Variants in USP37 observed in about 807,000 individuals in gnomAD.
The protein encoded by USP37 is ubiquitin specific peptidase 37.
A neutral mutation model predicts 124.0 loss-of-function variants in USP37; 27 were observed. The ratio of observed to expected loss-of-function variants is 0.22; its 90% CI spans 0.16 to 0.30. USP37 has a LOEUF of 0.30. Among genes scored for constraint, USP37 ranks in the 10% least tolerant of loss-of-function variants. USP37 has a pLI of 1.00. For synonymous variants in USP37, 365 were observed against 388.0 expected, an observed-to-expected ratio of 0.94 and a Z score of 0.70; for missense variants, 889 against 1,140.4, an observed-to-expected ratio of 0.78 and a Z score of 3.17.
chr2:218,462,165 GA>G lies in USP37; in HGVS notation c.2527+1140del, dbSNP rs879817155. On this transcript the variant is annotated intron_variant, in intron 22 of 25. Transcript: ENST00000258399. ...AGAGTGAAACTCTGTCTCAAAAAAA[GA>G]AAAAAAAAAAATTAAAAAATTAGCT... Among the ~76,000 whole-genome samples the G allele has an allele frequency of 1.3e-3, 181 of 142,510 alleles. 1 individual carries two copies. Among genetic ancestry groups the G allele is most frequent in the Middle Eastern group, 3.6e-3 (1 of 276 alleles). 93.5% of individuals were successfully genotyped at this position (142,510 alleles called of 152,430 possible).
chr2:218,479,105 A>G (rs1691117651), intron 18 of USP37, among the ~76,000 whole-genome samples: 1 of 152,186 alleles, frequency 6.6e-6, no homozygotes, highest in African/African-American at 2.4e-5. Flanking sequence ...AAAGCAAACA[A>G]AAAAGGCATG....
chr2:218,515,613 A>G (rs1451364660), intron 10 of USP37, among the ~76,000 whole-genome samples: 2 of 152,212 alleles, frequency 1.3e-5, no homozygotes, highest in Non-Finnish European at 2.9e-5. Flanking sequence ...AACCTAGACA[A>G]TACCATTCAG....
intron 23 of USP37, among the ~76,000 whole-genome samples, chr2:218,458,705 A>C (rs1330060208): frequency 6.6e-6 from 1 of 152,202 alleles, no homozygotes; most frequent in Non-Finnish European, 1.5e-5. Context: ...AAGTTAAATA[A>C]GTAGGATATT....
In USP37 at chr2:218,562,664, ATTAC is replaced by A. The variant is rs1191107724; in HGVS notation, c.-89+5_-89+8del. ...TGAAACATATATCCAAAACAAAAAC[ATTAC>A]TTACTTTTCAGTGACTTTTACCGAA... On this transcript the variant is annotated splice_donor_5th_base_variant and intron_variant, in intron 2 of 25. Transcript: ENST00000258399. The A allele has an allele frequency of 2.5e-6, 1 of 398,452 alleles. No homozygotes were observed. 24.7% of individuals were successfully genotyped at this position (398,452 alleles called of 1,614,324 possible). A position where few individuals can be genotyped will look rare whatever the true frequency, so the allele number is the denominator to read the frequency against.
At position 218,454,614 on chromosome 2, in the gene USP37, GT is replaced by G; in HGVS notation, c.*315del. 1 of 174,184 alleles carries G rather than the reference GT, an allele frequency of 5.7e-6. No individual in the cohort carries two copies. The highest frequency in any genetic ancestry group is 1.1e-5 in the Non-Finnish European group (1 of 87,794). The allele number at this position is 174,184 out of a possible 1,614,324, so 10.8% of individuals were successfully genotyped here. A position where few individuals can be genotyped will look rare whatever the true frequency, so the allele number is the denominator to read the frequency against. On this transcript the variant is annotated 3_prime_UTR_variant, in exon 26 of 26. Coordinates refer to ENST00000258399, the MANE Select transcript of USP37 (RefSeq NM_020935.3). ...AACTCTTTAAGGCTCCATTCATCCC[GT>G]GTGTGTGTGTGTGTGTCTGTGTGTG...
At chr2:218,484,270 T>C (rs575499691) in intron 16 of USP37, among the ~76,000 whole-genome samples, 2 of 152,294 alleles carry the variant, frequency 1.3e-5, no homozygotes, top group East Asian at 3.9e-4. Flanking sequence ...CTTCTCAAAA[T>C]GTTGAGATTA....
In USP37 at chr2:218,476,994, G is replaced by GAA. The variant is rs749854807; in HGVS notation, c.1902-15_1902-14dup. ...GAAGGTGAATTTCCTGTAATTTAAGGAAAAAAAAAAAAGCCTGATAAACAT... is the reference window on the plus strand; with the variant it reads ...GAAGGTGAATTTCCTGTAATTTAAGGAAAAAAAAAAAAAAGCCTGATAAACAT... On this transcript the variant is annotated splice_polypyrimidine_tract_variant and intron_variant, in intron 18 of 25. Transcript: ENST00000258399. The GAA allele has an allele frequency of 1.6e-4, 187 of 1,136,180 alleles. No individual in the cohort carries two copies. The African/African-American group carries it at 2.1e-3, about 13-fold the overall frequency. The allele number at this position is 1,136,180 out of a possible 1,614,324, so 70.4% of individuals were successfully genotyped here.
At chr2:218,457,348 G>A (rs1689753010) in intron 23 of USP37, among the ~76,000 whole-genome samples, 187 bp from the exon 24 acceptor site, 4 of 152,098 alleles carry the variant, frequency 2.6e-5, no homozygotes, top group Admixed American at 2.6e-4. Flanking sequence ...TTATTCTAAG[G>A]AAATAAGTCA....
chr2:218,511,405 T>C (rs1163499667), intron 10 of USP37, among the ~76,000 whole-genome samples: 1 of 152,180 alleles, frequency 6.6e-6, no homozygotes, highest in Non-Finnish European at 1.5e-5. Flanking sequence ...GCCTCCCGGA[T>C]TCAAGCGATT....
At chr2:218,470,492 A>G (rs1162953947) in intron 20 of USP37, among the ~76,000 whole-genome samples, 1 of 152,224 alleles carries the variant, frequency 6.6e-6, no homozygotes, top group African/African-American at 2.4e-5. Context: ...TCCTTATCAA[A>G]TAATTGTTTG....
At chr2:218,496,385 A>C (rs536029864) in intron 13 of USP37, among the ~76,000 whole-genome samples, 2 of 152,148 alleles carry the variant, frequency 1.3e-5, no homozygotes, top group Non-Finnish European at 2.9e-5. Flanking sequence ...AAAACCCTTG[A>C]AAGTCAATGA....
At chr2:218,505,296 G>A (rs1487728888) in intron 11 of USP37, among the ~76,000 whole-genome samples, 1 of 152,178 alleles carries the variant, frequency 6.6e-6, no homozygotes, top group Admixed American at 6.5e-5. Flanking sequence ...TGGGATTACA[G>A]GTGTTAGCCA....
chr2:218,505,786 T>C (rs1012199279), intron 11 of USP37, among the ~76,000 whole-genome samples: 2 of 152,188 alleles, frequency 1.3e-5, no homozygotes, highest in Non-Finnish European at 2.9e-5. Context: ...ATTTTCCAGA[T>C]TGAAAGAGCT....
At chr2:218,534,520 A>C (rs1278675419) in intron 9 of USP37, 89 bp downstream of exon 9, 1 of 631,940 alleles carries the variant, frequency 1.6e-6, no homozygotes, top group Non-Finnish European at 2.3e-6. Context: ...AAAAATAAAA[A>C]GAATGTACAG....
intron 4 of USP37, among the ~76,000 whole-genome samples, chr2:218,557,950 A>AAAAAAAAAAAAAAAAAAT (rs3074257): frequency 6.9e-6 from 1 of 143,906 alleles, no homozygotes; most frequent in Non-Finnish European, 1.5e-5. Context: ...AAAAAAAAAA[A>AAAAAAAAAAAAAAAAAAT]GGTGAAAAGA....
chr2:218,463,798 G>A (rs1295262200), intron 21 of USP37, among the ~76,000 whole-genome samples: 1 of 150,336 alleles, frequency 6.7e-6, no homozygotes, highest in South Asian at 2.1e-4. Flanking sequence ...GCTTCCCAAA[G>A]TGCTGGGATT....
In USP37 at chr2:218,553,534, TG is replaced by T; in HGVS notation, c.328+18del. 1 of 1,600,608 alleles carries T rather than the reference TG, an allele frequency of 6.2e-7. No individual in the cohort carries two copies. Among genetic ancestry groups the T allele is most frequent in the Non-Finnish European group, 8.5e-7 (1 of 1,172,526 alleles). On this transcript the variant is annotated intron_variant, in intron 5 of 25. Coordinates refer to ENST00000258399, the MANE Select transcript of USP37 (RefSeq NM_020935.3). The stretch of plus-strand genomic sequence containing the variant: ...TTGTAAAAATACTAACGTTAGACCC[TG>T]GGGTGATTAGTACTCACCTGCAGGA...
chr2:218,488,461 T>C (rs2105980950), intron 14 of USP37, 40 bp from the exon 15 acceptor site: 3 of 1,376,802 alleles, frequency 2.2e-6, no homozygotes, highest in Non-Finnish European at 3.0e-6. Flanking sequence ...TTTAGACCAA[T>C]ACACAAGAAA....
chr2:218,467,933 G>T (rs111241756), intron 20 of USP37, among the ~76,000 whole-genome samples: 2 of 150,448 alleles, frequency 1.3e-5, no homozygotes, highest in Non-Finnish European at 3.0e-5. Flanking sequence ...TGTCGCCCAG[G>T]GTGGAGTGCA....
Sources: gnomAD v4.1 joint callset for allele counts (sites outside exome capture counted in the v4.1 genomes callset) on GRCh38, gnomAD v4.1.1 for gene constraint, MANE v1.5 for transcripts, NCBI Gene and HGNC (gene_info 2026-07-23, HGNC 2026-07-21) for gene names.